Variants in NKAIN1 observed in about 807,000 individuals in gnomAD.
The protein encoded by NKAIN1 is sodium/potassium transporting ATPase interacting 1, also known as sodium/potassium-transporting ATPase subunit beta-1-interacting protein 1.
A neutral mutation model predicts 31.6 loss-of-function variants in NKAIN1; 13 were observed. The observed-to-expected ratio is 0.41, with a 90% CI of 0.27 to 0.65. NKAIN1 has a LOEUF of 0.65. NKAIN1 is among the 30% of genes least tolerant of loss of function. The pLI is 0.30. For synonymous variants in NKAIN1, 104 were observed against 109.0 expected (o/e 0.95, Z 0.28); for missense variants, 193 against 262.2 (o/e 0.74, Z 1.82).
chr1:31,200,027 A>ACACACG (rs1645365659), intron 1 of NKAIN1, among the ~76,000 whole-genome samples: 1 of 147,214 alleles, frequency 6.8e-6, no homozygotes, highest in Non-Finnish European at 1.5e-5. Context: ...ACACACACGC[A>ACACACG]CACACACACA....
intron 1 of NKAIN1, among the ~76,000 whole-genome samples, chr1:31,194,247 T>C (rs1645306621): frequency 6.6e-6 from 1 of 151,996 alleles, no homozygotes; most frequent in Non-Finnish European, 1.5e-5. Flanking sequence ...AGGCCTCACA[T>C]CTCTGTCTTC....
At chr1:31,195,561 C>A (rs932871187) in intron 1 of NKAIN1, among the ~76,000 whole-genome samples, 1 of 152,020 alleles carries the variant, frequency 6.6e-6, no homozygotes, top group African/African-American at 2.4e-5. Flanking sequence ...GTAAACATAG[C>A]CTCTCCCTCT....
rs77453300 is a variant in NKAIN1 at position 31,198,487 on chromosome 1, A to G, written c.55-10300T>C. Among the ~76,000 whole-genome samples, 721 of 152,034 alleles carry G rather than the reference A, an allele frequency of 4.7e-3. 4 individuals are homozygous for G. Among genetic ancestry groups the G allele is most frequent in the African/African-American group, 0.016 (660 of 41,468 alleles). On this transcript the variant is annotated intron_variant, in intron 1 of 6. Coordinates refer to ENST00000373736, the MANE Select transcript of NKAIN1 (RefSeq NM_024522.3). Reference sequence around the variant, plus strand: ...TAAACTTTAGGTTTCAGTCTCCCTCATGCTCCCCACTTGTTCCACGTCCCC... The same window carrying G: ...TAAACTTTAGGTTTCAGTCTCCCTCGTGCTCCCCACTTGTTCCACGTCCCC...
chr1:31,198,442 A>C (rs1489148715), intron 1 of NKAIN1, among the ~76,000 whole-genome samples: 3 of 152,150 alleles, frequency 2.0e-5, no homozygotes, highest in Admixed American at 2.0e-4. Flanking sequence ...CGATGTGTCC[A>C]GCCGCTTGAG....
intron 4 of NKAIN1, 122 bp from the exon 5 acceptor site, chr1:31,182,712 G>A (rs1245358305): frequency 7.7e-6 from 7 of 903,624 alleles, no homozygotes; most frequent in Admixed American, 2.4e-5. Flanking sequence ...AAGGCAAACC[G>A]TAACAACTTC....
chr1:31,224,980 A>T (rs1277638926), intron 1 of NKAIN1, among the ~76,000 whole-genome samples: 1 of 151,238 alleles, frequency 6.6e-6, no homozygotes, highest in African/African-American at 2.4e-5. Context: ...AATACCCTTG[A>T]CTTAGACTGT....
At chr1:31,229,054 C>T (rs571138804) in intron 1 of NKAIN1, among the ~76,000 whole-genome samples, 67 of 152,290 alleles carry the variant, frequency 4.4e-4, no homozygotes, top group African/African-American at 1.5e-3. Context: ...CCAGAGAAGG[C>T]CAGGCCCAAC....
At chr1:31,216,671 G>T (rs1438979714) in intron 1 of NKAIN1, among the ~76,000 whole-genome samples, 2 of 124,132 alleles carry the variant, frequency 1.6e-5, no homozygotes, top group African/African-American at 5.6e-5. Flanking sequence ...GATCTCCTAG[G>T]AACGCCTGTG....
chr1:31,223,625 T>C (rs1233979972), intron 1 of NKAIN1, among the ~76,000 whole-genome samples: 1 of 152,084 alleles, frequency 6.6e-6, no homozygotes, highest in East Asian at 2.0e-4. Context: ...TTTGTATTTT[T>C]AGTAGAGACG....
intron 1 of NKAIN1, among the ~76,000 whole-genome samples, chr1:31,227,755 A>G (rs956970321): frequency 1.3e-5 from 2 of 152,178 alleles, no homozygotes; most frequent in Non-Finnish European, 2.9e-5. Context: ...CGTGAGATGT[A>G]TGAATGGATA....
At chr1:31,182,489 C>T in intron 5 of NKAIN1, 41 bp downstream of exon 5, 3 of 1,610,866 alleles carry the variant, frequency 1.9e-6, no homozygotes, top group Non-Finnish European at 2.5e-6. Context: ...GCTGAAGGCG[C>T]AGGGCCAGAT....
intron 1 of NKAIN1, among the ~76,000 whole-genome samples, chr1:31,236,969 C>G (rs10914334): frequency 2.6e-5 from 4 of 152,210 alleles, no homozygotes; most frequent in Admixed American, 2.6e-4. Flanking sequence ...AAGCCTGGAT[C>G]CTGGCTGGAT....
intron 1 of NKAIN1, among the ~76,000 whole-genome samples, chr1:31,216,597 C>T (rs572618075): frequency 6.6e-6 from 1 of 152,276 alleles, no homozygotes; most frequent in Admixed American, 6.5e-5. Flanking sequence ...GACTCGCTGC[C>T]CTGCTAGGAG....
rs1263413002 is a variant in NKAIN1, at chr1:31,233,651, T to C, written c.54+5843A>G. 6.6e-6 allele frequency among the ~76,000 whole-genome samples: 1 copy of C among 152,098 alleles called. No homozygotes were observed. Among genetic ancestry groups the C allele is most frequent in the Non-Finnish European group, 1.5e-5 (1 of 68,018 alleles). On this transcript the variant is annotated intron_variant, in intron 1 of 6. Transcript: ENST00000373736. This position sits in a 1 kb window ranked among gnomAD's most constrained non-coding sequence, Gnocchi z 4.0. Reference sequence around the variant, plus strand: ...TCCACATAAAGAAGAGCTGGAGTGTTTGTGGGAATGACCCTGATCACGAAA... The same window carrying C: ...TCCACATAAAGAAGAGCTGGAGTGTCTGTGGGAATGACCCTGATCACGAAA...
At chr1:31,238,407 C>T (rs533934725) in intron 1 of NKAIN1, among the ~76,000 whole-genome samples, 17 of 152,262 alleles carry the variant, frequency 1.1e-4, no homozygotes, top group South Asian at 6.2e-4. Context: ...GACCTGGGTT[C>T]GGCGATGGAG....
At chr1:31,187,381 C>T (rs563028237) in intron 2 of NKAIN1, among the ~76,000 whole-genome samples, 1 of 152,116 alleles carries the variant, frequency 6.6e-6, no homozygotes, top group South Asian at 2.1e-4. Flanking sequence ...AAGAGGCTGT[C>T]GGGGAGGAGG....
chr1:31,234,720 A>T, intron 1 of NKAIN1, among the ~76,000 whole-genome samples: 1 of 152,172 alleles, frequency 6.6e-6, no homozygotes, highest in East Asian at 1.9e-4. Context: ...TGCAGGCACT[A>T]CACATGAGGC....
At chr1:31,182,460 A>G (rs1645210318) in intron 5 of NKAIN1, 70 bp downstream of exon 5, 2 of 1,567,578 alleles carry the variant, frequency 1.3e-6, no homozygotes, top group Non-Finnish European at 1.8e-6. Context: ...GGGGCCAGTC[A>G]CAGGCCTCTG....
Position 31,232,396 on chromosome 1 carries a change from CATAT to C in NKAIN1, c.54+7094_54+7097del, listed in dbSNP as rs371123492. Among the ~76,000 whole-genome samples, 49 of 6,400 alleles carry C rather than the reference CATAT, an allele frequency of 7.7e-3. 3 individuals are homozygous for C. The highest frequency in any genetic ancestry group is 0.011 in the African/African-American group (43 of 4,020). The allele number at this position is 6,400 out of a possible 152,430, so 4.2% of individuals were successfully genotyped here. A position where few individuals can be genotyped will look rare whatever the true frequency, so the allele number is the denominator to read the frequency against. Reference sequence around the variant, plus strand: ...ATGAGCCACCGTGTCTGGCCTACTTCATATATATATATATATATATATATATATA... The same window carrying C: ...ATGAGCCACCGTGTCTGGCCTACTTCATATATATATATATATATATATATA... On this transcript the variant is annotated intron_variant, in intron 1 of 6. Transcript: ENST00000373736.
Sources: gnomAD v4.1 joint callset for allele counts (sites outside exome capture counted in the v4.1 genomes callset) on GRCh38, gnomAD v4.1.1 for gene constraint, Gnocchi (gnomAD v3.1) non-coding constraint, MANE v1.5 for transcripts, NCBI Gene and HGNC (gene_info 2026-07-23, HGNC 2026-07-21) for gene names.